CFAP99: variants seen among roughly 807,000 people sequenced by gnomAD.
The protein encoded by CFAP99 is cilia- and flagella-associated protein 99.
A neutral mutation model predicts 82.7 loss-of-function variants in CFAP99; 84 were observed. The ratio of observed to expected loss-of-function variants is 1.02; its 90% CI spans 0.85 to 1.22. The LOEUF is 1.22. Among genes scored for constraint, CFAP99 ranks in the 50% most tolerant of loss-of-function variants. The probability of loss-of-function intolerance (pLI) is 0.00; values close to 1 mark genes in which losing one functional copy is unlikely to be tolerated. For missense variants in CFAP99, 1,059 were observed against 983.5 expected (o/e 1.08, Z -1.03); for synonymous variants, 456 against 429.5 (o/e 1.06, Z -0.76).
At position 2,452,402 on chromosome 4, in the gene CFAP99, C is replaced by T; in HGVS notation, c.1161+56C>T. 2.7e-6 allele frequency: 4 copies of T among 1,505,690 alleles called. No individual in the cohort carries two copies. In the East Asian group the frequency reaches 7.4e-5, roughly 28 times the overall value. The allele number at this position is 1,505,690 out of a possible 1,614,324, so 93.3% of individuals were successfully genotyped here. On this transcript the variant is annotated intron_variant, in intron 11 of 14. Transcript: ENST00000635017. ...GGCAGCCAGCTGAACTGTGTGCCCA[C>T]CGGGAGCTGCAGGGCCAGGGCTGGC...
chr4:2,440,578 C>G (rs960298132), intron 4 of CFAP99, among the ~76,000 whole-genome samples: 1 of 151,762 alleles, frequency 6.6e-6, no homozygotes, highest in African/African-American at 2.4e-5. Flanking sequence ...AGAGCAAAAC[C>G]CCATCTCTAC....
intron 11 of CFAP99, among the ~76,000 whole-genome samples, chr4:2,458,072 T>A (rs959755579): frequency 2.0e-5 from 3 of 152,106 alleles, no homozygotes; most frequent in Admixed American, 1.3e-4. Flanking sequence ...ACCGCCGCCC[T>A]CTTCTGCACT....
chr4:2,459,925 G>A, intron 13 of CFAP99, 112 bp from the exon 14 acceptor site: 1 of 910,600 alleles, frequency 1.1e-6, no homozygotes, highest in Non-Finnish European at 1.7e-6. Context: ...CAGTGTTGAA[G>A]CAGAGGGAAG....
chr4:2,462,702 G>T lies in CFAP99; in HGVS notation c.1921G>T (p.Gly641Ter). ...CGCAGGGACCGGCGTCCCGGGGCGG[G>T]GATGGCGGGGAGATCGGGTCCGGTC... is the stretch of plus-strand genomic sequence containing the variant. The change falls in exon 15 of 15, where the codon GGA becomes TGA. Residue 641 changes from glycine (G) to a stop codon, truncating the protein, a stop_gained. Transcript: ENST00000635017. LOFTEE classifies it low-confidence loss of function (END_TRUNC). The surrounding 1 kb of genome is among the most constrained non-coding windows in gnomAD (Gnocchi z 4.1). The T allele has an allele frequency of 8.0e-7, 1 of 1,253,310 alleles. No individual in the cohort carries two copies. Among genetic ancestry groups the T allele is most frequent in the Non-Finnish European group, 1.0e-6 (1 of 997,924 alleles). The allele number at this position is 1,253,310 out of a possible 1,614,324, so 77.6% of individuals were successfully genotyped here. A position where few individuals can be genotyped will look rare whatever the true frequency, so the allele number is the denominator to read the frequency against.
chr4:2,437,153 G>A (rs1433295959), intron 3 of CFAP99, 135 bp downstream of exon 3: 40 of 1,071,416 alleles, frequency 3.7e-5, no homozygotes, highest in East Asian at 1.0e-4. Flanking sequence ...GAGGCTTCCC[G>A]GCTCCTCACC....
intron 6 of CFAP99, among the ~76,000 whole-genome samples, chr4:2,447,570 T>C (rs1375665195): frequency 6.6e-6 from 1 of 150,606 alleles, no homozygotes; most frequent in Admixed American, 6.6e-5. Flanking sequence ...GATGATGAGA[T>C]GAGTTTATGG....
chr4:2,459,622 G>T (rs1410760092), intron 13 of CFAP99, among the ~76,000 whole-genome samples: 1 of 152,226 alleles, frequency 6.6e-6, no homozygotes, highest in African/African-American at 2.4e-5. Flanking sequence ...GCATGGAGCA[G>T]GAGGTTGAGG....
In CFAP99 at chr4:2,446,683, C is replaced by G. The variant is rs1308544339; in HGVS notation, c.642+1375C>G. Among the ~76,000 whole-genome samples, 1 of 152,224 alleles carries G rather than the reference C, an allele frequency of 6.6e-6. No individual in the cohort carries two copies. Among genetic ancestry groups the G allele is most frequent in the East Asian group, 1.9e-4 (1 of 5,204 alleles). ...GGGATTACAGGCGTAAGCCACCACA[C>G]CTGGCCATTATTGGTCCCATATTCT... On this transcript the variant is annotated intron_variant, in intron 6 of 14. Transcript: ENST00000635017. This position sits in a 1 kb window ranked among gnomAD's most constrained non-coding sequence, Gnocchi z 5.0.
chr4:2,445,773 T>G (rs1329543275), intron 6 of CFAP99, among the ~76,000 whole-genome samples: 1 of 152,106 alleles, frequency 6.6e-6, no homozygotes, highest in African/African-American at 2.4e-5. Context: ...AACAGAAAAA[T>G]GCAGTTCAAA....
rs909103237 is a variant in CFAP99, at chr4:2,461,006, G to T, written c.1661+764G>T. Among the ~76,000 whole-genome samples, 4 of 152,172 alleles carry T rather than the reference G, an allele frequency of 2.6e-5. 1 individual carries two copies. In the South Asian group the frequency reaches 8.3e-4, roughly 31 times the overall value. On this transcript the variant is annotated intron_variant, in intron 14 of 14. Coordinates refer to ENST00000635017, the Ensembl canonical transcript of CFAP99. ...CCCGCCTTGGCCTCCCAAAATGCTG[G>T]GATTACAGGTGTGAGCCCAGCCTGG... is the stretch of plus-strand genomic sequence containing the variant.
chr4:2,457,508 T>C (rs1015948935), intron 11 of CFAP99, among the ~76,000 whole-genome samples: 2 of 152,152 alleles, frequency 1.3e-5, no homozygotes, highest in Non-Finnish European at 2.9e-5. Flanking sequence ...CAAGGATGCA[T>C]GTGGCTGCCC....
intron 8 of CFAP99, 117 bp from the exon 9 acceptor site, chr4:2,450,830 T>C: frequency 1.3e-6 from 1 of 776,456 alleles, no homozygotes; most frequent in African/African-American, 1.7e-5. Context: ...GGGGGGAGGA[T>C]GAAGAGGGGT....
exon 3 of CFAP99, chr4:2,436,971 T>C (rs1411669821): frequency 6.5e-7 from 1 of 1,535,898 alleles, no homozygotes; most frequent in Non-Finnish European, 8.7e-7. Context: ...GCCTTCTACG[T>C]GGAGGATGGC....
At chr4:2,459,207 C>G in exon 13 of CFAP99, 1 of 1,535,720 alleles carries the variant, frequency 6.5e-7, no homozygotes, top group Non-Finnish European at 8.7e-7. Context: ...CCCAGCTGCG[C>G]GCACTCGAGA....
At chr4:2,435,807 C>CCAGCTACTCAGGAGGCTGAGGTGGGAAG (rs1560380323) in intron 2 of CFAP99, among the ~76,000 whole-genome samples, 32 of 149,468 alleles carry the variant, frequency 2.1e-4, no homozygotes, top group Non-Finnish European at 4.0e-4. Flanking sequence ...ATCTGTAGTC[C>CCAGCTACTCAGGAGGCTGAGGTGGGAAG]CAGCTACTCA....
intron 2 of CFAP99, chr4:2,427,203 T>G (rs1329944641): frequency 1.3e-5 from 2 of 154,732 alleles, no homozygotes; most frequent in African/African-American, 2.4e-5. Context: ...TGGGTTTTCC[T>G]CACAGCTCCA....
chr4:2,419,619 G>A (rs1008800171), intron 1 of CFAP99, among the ~76,000 whole-genome samples: 5 of 152,188 alleles, frequency 3.3e-5, no homozygotes, highest in African/African-American at 1.2e-4. Flanking sequence ...CCTCGGTTCA[G>A]AATTGAGAAG....
At chr4:2,436,334 T>C (rs184785335) in intron 2 of CFAP99, among the ~76,000 whole-genome samples, 1 of 152,156 alleles carries the variant, frequency 6.6e-6, no homozygotes, top group Non-Finnish European at 1.5e-5. Flanking sequence ...AATTCATTCA[T>C]TTGAAAACCT....
At chr4:2,440,247 C>T (rs28705289) in intron 4 of CFAP99, among the ~76,000 whole-genome samples, 25,200 of 128,376 alleles carry the variant, frequency 0.2, 2,365 homozygotes, top group African/African-American at 0.38. Context: ...CCCGGGTTCA[C>T]GCCATTCTCC....
Sources: gnomAD v4.1 joint callset for allele counts (sites outside exome capture counted in the v4.1 genomes callset) on GRCh38, gnomAD v4.1.1 for gene constraint, Gnocchi (gnomAD v3.1) non-coding constraint, MANE v1.5 for transcripts, NCBI Gene and HGNC (gene_info 2026-07-23, HGNC 2026-07-21) for gene names.